The following DPP6 variants were observed in gnomAD, a reference collection of about 807,000 sequenced individuals.
The protein encoded by DPP6 is A-type potassium channel modulatory protein DPP6.
A neutral mutation model predicts 122.6 loss-of-function variants in DPP6; 69 were observed. That is an observed-to-expected ratio of 0.56 (90% CI 0.46 to 0.69). The LOEUF is 0.69. Ranked by LOEUF, DPP6 falls within the 30% of genes least tolerant of loss-of-function variation. DPP6 has a pLI of 0.00. For synonymous variants in DPP6, 418 were observed against 433.1 expected, an observed-to-expected ratio of 0.97 and a Z score of 0.43; for missense variants, 928 against 1,116.9, an observed-to-expected ratio of 0.83 and a Z score of 2.41.
At chr7:154,696,993 C>T (rs1310975926) in intron 7 of DPP6, among the ~76,000 whole-genome samples, 4 of 152,090 alleles carry the variant, frequency 2.6e-5, no homozygotes, top group African/African-American at 7.2e-5. Flanking sequence ...AAGACCCTGA[C>T]ACCTGCTCTT....
At chr7:154,697,396 C>T (rs996148709) in intron 7 of DPP6, among the ~76,000 whole-genome samples, 1 of 152,216 alleles carries the variant, frequency 6.6e-6, no homozygotes, top group African/African-American at 2.4e-5. Flanking sequence ...TGTAGGCCTC[C>T]AGAGCCAAGA....
chr7:154,612,549 C>A (rs1296336089), intron 5 of DPP6, among the ~76,000 whole-genome samples: 4 of 152,176 alleles, frequency 2.6e-5, no homozygotes, highest in African/African-American at 9.7e-5. Flanking sequence ...ACCATTCACT[C>A]ATTTATGGAT....
chr7:154,835,619 C>T (rs1800987238), intron 16 of DPP6, among the ~76,000 whole-genome samples: 1 of 152,160 alleles, frequency 6.6e-6, no homozygotes, highest in Non-Finnish European at 1.5e-5. Context: ...CACACATTCT[C>T]AGGCCCCAAT....
rs1259879463 is a variant in DPP6, at chr7:154,668,124, C to A, written c.681-1236C>A. Among the ~76,000 whole-genome samples, 5 of 145,536 alleles carry A rather than the reference C, an allele frequency of 3.4e-5. No homozygotes were observed. The East Asian group carries it at 1.0e-3, about 30-fold the overall frequency. ...TCATGCAACCCCTGAAGTGCAGCAT[C>A]CTCCCTTTCCAAAGGCCATTCAACC... On this transcript the variant is annotated intron_variant, in intron 6 of 25. Transcript: ENST00000377770.
At chr7:154,388,240 T>G (rs1033644277) in intron 1 of DPP6, among the ~76,000 whole-genome samples, 2 of 152,156 alleles carry the variant, frequency 1.3e-5, no homozygotes, top group Admixed American at 6.5e-5. Context: ...AAGGTCGAGC[T>G]GTAATCACAC....
rs140591356 is a variant in DPP6 at position 154,288,924 on chromosome 7, T to A, written c.244-157290T>A. Among the ~76,000 whole-genome samples the A allele has an allele frequency of 8.4e-3, 1,276 of 152,322 alleles. 20 individuals are homozygous for A. The highest frequency in any genetic ancestry group is 0.029 in the Admixed American group (449 of 15,304). ...TGTCAATTTCAGAATGGTTTATTTTTAAAATGCCAGACTCTGCCATCCTGA... is the reference window on the plus strand; with the variant it reads ...TGTCAATTTCAGAATGGTTTATTTTAAAAATGCCAGACTCTGCCATCCTGA... On this transcript the variant is annotated intron_variant, in intron 1 of 25. Transcript: ENST00000377770.
rs200633251 is a variant in DPP6, at chr7:154,262,655, C to CA, written c.244-183542dup. ...ATGTTAGAAAGTGTCAAATGAAGTTCAAAAAAAAAAAAAAAAAGACTAGAG... is the reference window on the plus strand; with the variant it reads ...ATGTTAGAAAGTGTCAAATGAAGTTCAAAAAAAAAAAAAAAAAAGACTAGAG... On this transcript the variant is annotated intron_variant, in intron 1 of 25. Transcript: ENST00000377770. Among the ~76,000 whole-genome samples the CA allele has an allele frequency of 8.6e-3, 1,113 of 129,226 alleles. 6 individuals carry two copies. Among genetic ancestry groups the CA allele is most frequent in the African/African-American group, 0.022 (793 of 36,380 alleles). 84.8% of individuals were successfully genotyped at this position (129,226 alleles called of 152,430 possible).
intron 6 of DPP6, among the ~76,000 whole-genome samples, chr7:154,662,771 A>G (rs1338530156): frequency 6.1e-5 from 3 of 49,032 alleles, no homozygotes; most frequent in Admixed American, 2.8e-4. Flanking sequence ...ACCATGGCGT[A>G]TTGGCCATAG....
chr7:153,862,052 T>C, the DPP6 span, among the ~76,000 whole-genome samples: 33 of 152,134 alleles, frequency 2.2e-4, no homozygotes, highest in Non-Finnish European at 2.5e-4. Flanking sequence ...AGAATTTACA[T>C]GTGGAAGATG....
intron 4 of DPP6, among the ~76,000 whole-genome samples, chr7:154,550,791 C>T (rs1172980103): frequency 9.0e-5 from 13 of 144,760 alleles, no homozygotes; most frequent in Non-Finnish European, 1.6e-4. Context: ...GCTCTTGTTG[C>T]CCAAGCTGGA....
chr7:154,716,116 G>A (rs1464429062), intron 7 of DPP6, among the ~76,000 whole-genome samples: 1 of 151,710 alleles, frequency 6.6e-6, no homozygotes, highest in African/African-American at 2.4e-5. Flanking sequence ...TATTTCTTAG[G>A]CCTCCCCACC....
the DPP6 span, among the ~76,000 whole-genome samples, chr7:153,780,327 G>A: frequency 6.6e-6 from 1 of 152,144 alleles, no homozygotes; most frequent in Admixed American, 6.5e-5. Context: ...TACAATGCCT[G>A]TAAATAGTTT....
At chr7:154,063,840 C>T (rs1287700106) in intron 1 of DPP6, among the ~76,000 whole-genome samples, 1 of 151,304 alleles carries the variant, frequency 6.6e-6, no homozygotes, top group Non-Finnish European at 1.5e-5. Flanking sequence ...ACGGCAAGTG[C>T]ATGATAGTCT....
At chr7:153,809,054 C>T in the DPP6 span, among the ~76,000 whole-genome samples, 1 of 151,968 alleles carries the variant, frequency 6.6e-6, no homozygotes, top group East Asian at 1.9e-4. Context: ...TCCCCACCAA[C>T]ACTCATTATA....
intron 1 of DPP6, among the ~76,000 whole-genome samples, chr7:153,921,994 G>A (rs928020620): frequency 6.6e-6 from 1 of 152,208 alleles, no homozygotes; most frequent in Admixed American, 6.5e-5. Context: ...ATGGGAACAG[G>A]AAGCCTATCA....
intron 7 of DPP6, among the ~76,000 whole-genome samples, chr7:154,710,819 G>A (rs1841131567): frequency 6.6e-6 from 1 of 152,260 alleles, no homozygotes; most frequent in Non-Finnish European, 1.5e-5. Context: ...AGTCTCCAGT[G>A]AAGACTCTCC....
intron 6 of DPP6, among the ~76,000 whole-genome samples, chr7:154,664,003 A>G (rs1837963512): frequency 1.0e-5 from 1 of 98,518 alleles, no homozygotes; most frequent in African/African-American, 3.0e-5. Context: ...ACCATAGCGT[A>G]TTGGCCATAG....
At chr7:154,196,966 A>G (rs949682682) in intron 1 of DPP6, among the ~76,000 whole-genome samples, 5 of 151,584 alleles carry the variant, frequency 3.3e-5, no homozygotes, top group African/African-American at 1.2e-4. Flanking sequence ...TTCCAGTAAA[A>G]TCTCCCTTCT....
intron 1 of DPP6, among the ~76,000 whole-genome samples, chr7:154,086,692 C>T (rs1432908728): frequency 6.6e-6 from 1 of 150,394 alleles, no homozygotes. Flanking sequence ...AATCTCGGCT[C>T]ACTGCAACCT....
Sources: allele counts gnomAD v4.1 joint callset (sites outside exome capture counted in the v4.1 genomes callset), GRCh38; gene constraint gnomAD v4.1.1; transcripts MANE v1.5; gene names NCBI Gene and HGNC (gene_info 2026-07-23, HGNC 2026-07-21).